Variants in IGSF21 observed in about 807,000 individuals in gnomAD.
IGSF21 encodes immunoglobin superfamily member 21.
Under a neutral mutation model 46.8 loss-of-function variants are expected in IGSF21, and 28 were observed. That is an observed-to-expected ratio of 0.60 (90% CI 0.44 to 0.82). The LOEUF (loss-of-function observed/expected upper bound fraction) is 0.82. Among genes scored for constraint, IGSF21 ranks in the 40% least tolerant of loss-of-function variants. The pLI, the probability that IGSF21 is intolerant of heterozygous loss-of-function variation, is 0.00. For missense variants in IGSF21, 624 were observed against 665.5 expected, an observed-to-expected ratio of 0.94 and a Z score of 0.69; for synonymous variants, 284 against 273.6, an observed-to-expected ratio of 1.04 and a Z score of -0.38.
At chr1:18,141,827 G>A (rs776538311) in intron 1 of IGSF21, among the ~76,000 whole-genome samples, 1 of 152,038 alleles carries the variant, frequency 6.6e-6, no homozygotes, top group African/African-American at 2.4e-5. Context: ...CCAGCACTTC[G>A]GCAGGCCAAG....
chr1:18,360,495 C>A (rs1022772225), intron 4 of IGSF21, among the ~76,000 whole-genome samples: 2 of 152,190 alleles, frequency 1.3e-5, no homozygotes, highest in African/African-American at 4.8e-5. Flanking sequence ...CACCTCCTGG[C>A]AGCACCTGGC....
rs780086728 is a variant in IGSF21, at chr1:18,365,628, G to A, written c.946G>A (p.Glu316Lys). The change falls in exon 6 of 10, where the codon GAG (glutamate) becomes AAG (lysine). Residue 316 changes from glutamate (E) to lysine (K), a missense_variant. Physicochemically the swap from Glu to Lys is moderately conservative, Grantham distance 56 (BLOSUM62 1). Coordinates refer to ENST00000251296, the MANE Select transcript of IGSF21 (RefSeq NM_032880.5). The surrounding 1 kb of genome is among the most constrained non-coding windows in gnomAD (Gnocchi z 4.8). The stretch of plus-strand genomic sequence containing the variant: ...GACCCTCAACCCACAGATCGACAAC[G>A]AGGCCCTCTTCAGCTGCGAGGTCAA... Reference protein sequence around the residue: ...TWTLNPQIDNEALFSCEVKHP... With the variant: ...TWTLNPQIDNKALFSCEVKHP... The A allele has an allele frequency of 9.9e-6, 16 of 1,614,078 alleles. No individual in the cohort carries two copies. Among genetic ancestry groups the A allele is most frequent in the South Asian group, 8.8e-5 (8 of 91,082 alleles).
In IGSF21 at chr1:18,334,343, T is replaced by G. The variant is rs556874027; in HGVS notation, c.306-549T>G. Among the ~76,000 whole-genome samples the G allele has an allele frequency of 6.6e-5, 10 of 152,316 alleles. No homozygotes were observed. The highest frequency in any genetic ancestry group is 2.1e-4 in the South Asian group (1 of 4,814). On this transcript the variant is annotated intron_variant, in intron 3 of 9. Transcript: ENST00000251296. This position sits in a 1 kb window ranked among gnomAD's most constrained non-coding sequence, Gnocchi z 4.3. ...TCTTTCTCTTCCATGATCTCAGGAC[T>G]GGGCATGAAGTGGCAGCATGGCGGC...
intron 1 of IGSF21, among the ~76,000 whole-genome samples, chr1:18,209,930 T>C (rs796834654): frequency 9.0e-4 from 137 of 152,084 alleles, no homozygotes; most frequent in African/African-American, 3.2e-3. Flanking sequence ...AGCCTGCAGA[T>C]TGGGAATAAA....
intron 4 of IGSF21, 46 bp from the exon 5 acceptor site, chr1:18,362,069 A>G: frequency 1.5e-6 from 2 of 1,363,402 alleles, no homozygotes; most frequent in Non-Finnish European, 2.1e-6. Context: ...CTCTTCCTGA[A>G]TCTCCCAGTT....
At chr1:18,163,099 TGGG>T (rs1218483507) in intron 1 of IGSF21, among the ~76,000 whole-genome samples, 5 of 152,078 alleles carry the variant, frequency 3.3e-5, no homozygotes, top group African/African-American at 4.8e-5. Flanking sequence ...CCATGGGGCT[TGGG>T]GGCACAGTGG....
At chr1:18,356,006 C>A (rs972255039) in intron 4 of IGSF21, among the ~76,000 whole-genome samples, 1 of 151,792 alleles carries the variant, frequency 6.6e-6, no homozygotes, top group East Asian at 1.9e-4. Flanking sequence ...CAGCTAATTG[C>A]GTATTTTTAG....
At chr1:18,309,003 T>A (rs2085454548) in intron 3 of IGSF21, among the ~76,000 whole-genome samples, 1 of 152,030 alleles carries the variant, frequency 6.6e-6, no homozygotes, top group Non-Finnish European at 1.5e-5. Context: ...CTCATATTGC[T>A]ACCTCCAAGG....
intron 1 of IGSF21, among the ~76,000 whole-genome samples, chr1:18,187,678 C>A (rs980365349): frequency 6.6e-6 from 1 of 152,140 alleles, no homozygotes; most frequent in Admixed American, 6.5e-5. Flanking sequence ...CAAACCATAT[C>A]AGGCACCACC....
chr1:18,315,020 G>A (rs1179452322), intron 3 of IGSF21, among the ~76,000 whole-genome samples: 1 of 152,122 alleles, frequency 6.6e-6, no homozygotes, highest in East Asian at 1.9e-4. Context: ...TTGATAAGAG[G>A]ACAGCATCCC....
chr1:18,237,784 G>T (rs1249187895), intron 2 of IGSF21, among the ~76,000 whole-genome samples: 8 of 152,008 alleles, frequency 5.3e-5, no homozygotes, highest in African/African-American at 1.7e-4. Context: ...CAAGTCCATT[G>T]TCTTTAGCCT....
At chr1:18,232,949 A>T (rs2084641874) in intron 2 of IGSF21, among the ~76,000 whole-genome samples, 1 of 152,216 alleles carries the variant, frequency 6.6e-6, no homozygotes, top group Non-Finnish European at 1.5e-5. Context: ...GGAAAAGGGA[A>T]CATTTCTTAT....
At chr1:18,314,026 A>C (rs957370176) in intron 3 of IGSF21, among the ~76,000 whole-genome samples, 1 of 152,234 alleles carries the variant, frequency 6.6e-6, no homozygotes, top group Non-Finnish European at 1.5e-5. Context: ...TAAAGCTAAT[A>C]AACTAATAAA....
At chr1:18,203,171 C>T (rs2087093653) in intron 1 of IGSF21, among the ~76,000 whole-genome samples, 1 of 152,198 alleles carries the variant, frequency 6.6e-6, no homozygotes, top group African/African-American at 2.4e-5. Flanking sequence ...CATGGTCCTT[C>T]CTGCTGAGCC....
chr1:18,291,059 C>T (rs1383066954), intron 2 of IGSF21, among the ~76,000 whole-genome samples: 1 of 152,224 alleles, frequency 6.6e-6, no homozygotes, highest in Non-Finnish European at 1.5e-5. Flanking sequence ...ACATACCTTG[C>T]TGCTTCGTGG....
intron 1 of IGSF21, 147 bp downstream of exon 1, chr1:18,108,345 TGAGG>T: frequency 2.5e-6 from 2 of 815,056 alleles, no homozygotes; most frequent in Non-Finnish European, 3.3e-6. Flanking sequence ...GTTGGCTCGA[TGAGG>T]GAGGGAGGAC....
intron 2 of IGSF21, among the ~76,000 whole-genome samples, chr1:18,253,449 C>G (rs1012302756): frequency 1.3e-5 from 2 of 152,242 alleles, no homozygotes; most frequent in African/African-American, 4.8e-5. Flanking sequence ...CTTGCAGAAG[C>G]TGCATGGGCC....
intron 1 of IGSF21, among the ~76,000 whole-genome samples, chr1:18,204,709 A>G (rs2124485291): frequency 6.6e-6 from 1 of 152,258 alleles, no homozygotes; most frequent in South Asian, 2.1e-4. Flanking sequence ...TCAGTCCTGG[A>G]AAGAGAGATT....
chr1:18,119,246 AGAG>A (rs2086212550), intron 1 of IGSF21, among the ~76,000 whole-genome samples: 2 of 152,232 alleles, frequency 1.3e-5, no homozygotes, highest in Admixed American at 1.3e-4. Context: ...CTAGAAATCC[AGAG>A]GAGGGCAAAT....
Sources: allele counts gnomAD v4.1 joint callset (sites outside exome capture counted in the v4.1 genomes callset), GRCh38; gene constraint gnomAD v4.1.1; non-coding constraint Gnocchi (gnomAD v3.1); transcripts MANE v1.5; gene names NCBI Gene and HGNC (gene_info 2026-07-23, HGNC 2026-07-21).